The following PTGER3 variants were observed in gnomAD, a reference collection of about 807,000 sequenced individuals.
PTGER3 encodes the protein prostaglandin E receptor 3.
Under a neutral mutation model 34.7 loss-of-function variants are expected in PTGER3, and 22 were observed. That is an observed-to-expected ratio of 0.63 (90% CI 0.45 to 0.91). PTGER3 has a LOEUF of 0.91. Among genes scored for constraint, PTGER3 ranks in the 40% least tolerant of loss-of-function variants. The probability of loss-of-function intolerance (pLI) is 0.00; values close to 1 mark genes in which losing one functional copy is unlikely to be tolerated. For missense variants in PTGER3, 468 were observed against 519.4 expected (o/e 0.90, Z 0.96); for synonymous variants, 241 against 230.1 (o/e 1.05, Z -0.43).
chr1:70,949,050 C>T (rs764169584), downstream of PTGER3, among the ~76,000 whole-genome samples: 3 of 152,124 alleles, frequency 2.0e-5, no homozygotes, highest in Non-Finnish European at 4.4e-5. Flanking sequence ...TCCATTCTCT[C>T]CTCCATTGTC....
Position 70,971,058 on chromosome 1 carries a change from CT to C in PTGER3, c.*671del. ...AAGGATGCCCTTAGCTGCATCACTCCTTTGTCATCAAAAGCTTAGAAATAAC... is the reference window on the plus strand; with the variant it reads ...AAGGATGCCCTTAGCTGCATCACTCCTTGTCATCAAAAGCTTAGAAATAAC... On this transcript the variant is annotated 3_prime_UTR_variant, in exon 4 of 4. Coordinates refer to ENST00000306666, the MANE Select transcript of PTGER3 (RefSeq NM_198719.2). 1.0e-6 allele frequency: 1 copy of C among 985,330 alleles called. No homozygotes were observed. The allele number at this position is 985,330 out of a possible 1,614,324, so 61.0% of individuals were successfully genotyped here. A position where few individuals can be genotyped will look rare whatever the true frequency, so the allele number is the denominator to read the frequency against.
At chr1:70,906,074 T>G (rs1327133309) in intron 4 of PTGER3, among the ~76,000 whole-genome samples, 1 of 152,140 alleles carries the variant, frequency 6.6e-6, no homozygotes, top group Non-Finnish European at 1.5e-5. Flanking sequence ...AGCTCTCTCT[T>G]TGCCTGCCAC....
chr1:70,932,615 T>G (rs747725789), intron 4 of PTGER3, among the ~76,000 whole-genome samples: 18 of 152,008 alleles, frequency 1.2e-4, no homozygotes, highest in Non-Finnish European at 2.5e-4. Flanking sequence ...GATAAAACCA[T>G]CAGATCTTAT....
intron 4 of PTGER3, among the ~76,000 whole-genome samples, chr1:70,919,956 G>T (rs1011083523): frequency 6.6e-6 from 1 of 152,122 alleles, no homozygotes; most frequent in Non-Finnish European, 1.5e-5. Flanking sequence ...CTAGCCTAAG[G>T]TAAGATATCT....
intron 4 of PTGER3, among the ~76,000 whole-genome samples, chr1:70,938,328 A>G (rs1430781261): frequency 6.6e-6 from 1 of 152,206 alleles, no homozygotes; most frequent in Non-Finnish European, 1.5e-5. Flanking sequence ...AATGAACTCA[A>G]ATATAATTTG....
intron 4 of PTGER3, among the ~76,000 whole-genome samples, chr1:70,923,826 A>G (rs770260333): frequency 6.6e-6 from 1 of 152,184 alleles, no homozygotes; most frequent in Non-Finnish European, 1.5e-5. Context: ...AATATTCTTA[A>G]TTTATGGCAA....
chr1:70,859,798 C>A (rs983109869), intron 4 of PTGER3, among the ~76,000 whole-genome samples: 4 of 152,104 alleles, frequency 2.6e-5, no homozygotes, highest in South Asian at 4.1e-4. Flanking sequence ...TGAGCCTTAT[C>A]CATGTTGAGG....
At chr1:70,933,489 C>A (rs990496483) in intron 4 of PTGER3, among the ~76,000 whole-genome samples, 4 of 152,124 alleles carry the variant, frequency 2.6e-5, no homozygotes, top group Admixed American at 6.5e-5. Context: ...ATATATTTCC[C>A]AAATATTTTC....
chr1:71,002,388 T>C (rs1428352545), intron 2 of PTGER3: 3 of 152,166 alleles, frequency 2.0e-5, no homozygotes, highest in Non-Finnish European at 4.4e-5. Flanking sequence ...AAATAACAAA[T>C]CAAATAATTC....
chr1:71,036,594 C>A (rs553216512), intron 1 of PTGER3, among the ~76,000 whole-genome samples: 40 of 151,892 alleles, frequency 2.6e-4, no homozygotes, highest in Admixed American at 2.4e-3. Context: ...TAATCCCAGC[C>A]CTTTGGGAGG....
chr1:70,856,703 A>G (rs1010657279), intron 4 of PTGER3, among the ~76,000 whole-genome samples: 1 of 152,146 alleles, frequency 6.6e-6, no homozygotes, highest in African/African-American at 2.4e-5. Flanking sequence ...TTTTATTTTG[A>G]AATAGTTGTG....
At chr1:70,882,827 T>A (rs1376418306) in intron 4 of PTGER3, among the ~76,000 whole-genome samples, 4 of 152,192 alleles carry the variant, frequency 2.6e-5, no homozygotes, top group Non-Finnish European at 4.4e-5. Context: ...GGTGTCCAGC[T>A]TTGCTTCTCT....
chr1:71,041,815 A>G (rs1463265855), intron 1 of PTGER3, among the ~76,000 whole-genome samples: 1 of 152,222 alleles, frequency 6.6e-6, no homozygotes, highest in Non-Finnish European at 1.5e-5. Context: ...CAAAAATGTT[A>G]CGCAGATGTA....
At chr1:70,916,188 A>C (rs142790749) in intron 4 of PTGER3, among the ~76,000 whole-genome samples, 61,257 of 151,728 alleles carry the variant, frequency 0.4, 12,786 homozygotes, top group Middle Eastern at 0.52. Context: ...AATGAGATAC[A>C]ATCTCACACC....
At chr1:71,013,540 TAAAAATAC>T in intron 1 of PTGER3, among the ~76,000 whole-genome samples, 1 of 151,924 alleles carries the variant, frequency 6.6e-6, no homozygotes, top group Admixed American at 6.6e-5. Context: ...CTGTCTCTAC[TAAAAATAC>T]AAAATTGGCT....
At chr1:70,961,629 T>C (rs1480587839) in intron 2 of PTGER3, among the ~76,000 whole-genome samples, 1 of 152,240 alleles carries the variant, frequency 6.6e-6, no homozygotes, top group Admixed American at 6.5e-5. Context: ...TGAATATTAA[T>C]GGTGGCTCTA....
At chr1:70,958,868 G>A (rs597678) in intron 2 of PTGER3, among the ~76,000 whole-genome samples, 49,948 of 151,960 alleles carry the variant, frequency 0.33, 8,981 homozygotes, top group South Asian at 0.44. Context: ...GTGAGAGATG[G>A]GGGTCTAGTT....
intron 4 of PTGER3, among the ~76,000 whole-genome samples, chr1:70,903,332 A>G (rs1021877614): frequency 3.9e-5 from 6 of 152,332 alleles, no homozygotes; most frequent in Non-Finnish European, 7.4e-5. Context: ...ATGGTAATTT[A>G]TTACAACAGC....
At chr1:70,890,374 T>C (rs1222483153) in intron 4 of PTGER3, among the ~76,000 whole-genome samples, 2 of 152,142 alleles carry the variant, frequency 1.3e-5, no homozygotes, top group Non-Finnish European at 2.9e-5. Flanking sequence ...AGCCAATAAG[T>C]GATGTGAAAT....
Sources: allele counts gnomAD v4.1 joint callset (sites outside exome capture counted in the v4.1 genomes callset), GRCh38; gene constraint gnomAD v4.1.1; transcripts MANE v1.5; gene names NCBI Gene and HGNC (gene_info 2026-07-23, HGNC 2026-07-21).